SYCE3: variants seen among roughly 807,000 people sequenced by gnomAD.
SYCE3 encodes the protein testis highly expressed gene 2 protein.
SYCE3 carries 3 observed loss-of-function variants against 8.1 expected under a neutral mutation model. The observed-to-expected ratio is 0.37, with a 90% CI of 0.17 to 0.96. The LOEUF is 0.96. SYCE3 is among the 40% of genes least tolerant of loss of function. The pLI is 0.41. For synonymous variants in SYCE3, 36 were observed against 38.7 expected (o/e 0.93, Z 0.26); for missense variants, 83 against 110.0 (o/e 0.75, Z 1.10).
intron 2 of SYCE3, among the ~76,000 whole-genome samples, chr22:50,554,714 G>T (rs2069842219): frequency 6.9e-6 from 1 of 144,550 alleles, no homozygotes; most frequent in South Asian, 2.2e-4. Context: ...AAAAAAAAAG[G>T]CCAGGCGCGG....
At chr22:50,558,380 G>A (rs2069881265) in intron 1 of SYCE3, among the ~76,000 whole-genome samples, 1 of 151,896 alleles carries the variant, frequency 6.6e-6, no homozygotes, top group Non-Finnish European at 1.5e-5. Context: ...GCAGTGAGCC[G>A]AGATTGTGCC....
intron 2 of SYCE3, among the ~76,000 whole-genome samples, chr22:50,553,446 T>C (rs1217740580): frequency 3.9e-5 from 6 of 152,208 alleles, no homozygotes; most frequent in African/African-American, 1.4e-4. Flanking sequence ...CTCATTTTGC[T>C]TCCAAGGAAA....
At chr22:50,557,743 G>A (rs2069874996) in intron 1 of SYCE3, among the ~76,000 whole-genome samples, 1 of 142,170 alleles carries the variant, frequency 7.0e-6, no homozygotes, top group Non-Finnish European at 1.6e-5. Context: ...AATAATGTAA[G>A]AGCTGCCAGG....
chr22:50,554,529 A>G (rs56755969), intron 2 of SYCE3, among the ~76,000 whole-genome samples: 12,694 of 151,746 alleles, frequency 0.084, 1,182 homozygotes, highest in African/African-American at 0.23. Flanking sequence ...CTTCGTCTCT[A>G]CTAAAAATAC....
chr22:50,555,537 C>T (rs1268177437), intron 2 of SYCE3, among the ~76,000 whole-genome samples: 4 of 152,126 alleles, frequency 2.6e-5, no homozygotes, highest in Non-Finnish European at 4.4e-5. Context: ...GAACACAGAC[C>T]TTAAGTTTGA....
At chr22:50,559,301 A>ATT (rs2069891448) in intron 1 of SYCE3, among the ~76,000 whole-genome samples, 1 of 151,874 alleles carries the variant, frequency 6.6e-6, no homozygotes, top group Middle Eastern at 3.2e-3. Flanking sequence ...TAATTTTTGT[A>ATT]TTTTTAGTAG....
intron 2 of SYCE3, among the ~76,000 whole-genome samples, chr22:50,554,099 G>C (rs1051851345): frequency 6.6e-6 from 1 of 151,756 alleles, no homozygotes; most frequent in African/African-American, 2.4e-5. Context: ...GGAGGCTGAG[G>C]CAGGAGAATG....
intron 2 of SYCE3, among the ~76,000 whole-genome samples, chr22:50,552,421 G>C (rs982726909): frequency 1.3e-5 from 2 of 152,152 alleles, no homozygotes; most frequent in South Asian, 2.1e-4. Flanking sequence ...GGGAGGCCAA[G>C]GGGGGTAGAT....
At chr22:50,553,850 G>C (rs2069833357) in intron 2 of SYCE3, among the ~76,000 whole-genome samples, 1 of 152,032 alleles carries the variant, frequency 6.6e-6, no homozygotes, top group Admixed American at 6.6e-5. Flanking sequence ...CAAAGTGCTG[G>C]GTTTACAGGT....
At chr22:50,557,573 T>C (rs1319947407) in intron 1 of SYCE3, among the ~76,000 whole-genome samples, 1 of 152,242 alleles carries the variant, frequency 6.6e-6, no homozygotes, top group Non-Finnish European at 1.5e-5. Flanking sequence ...TAATGAGCAC[T>C]TAATAAATCA....
intron 1 of SYCE3, 44 bp from the exon 2 acceptor site, chr22:50,556,449 T>C: frequency 7.3e-7 from 1 of 1,367,696 alleles, no homozygotes; most frequent in Non-Finnish European, 1.0e-6. Context: ...CAGACCTACA[T>C]TTCAAATCCA....
chr22:50,552,786 G>A (rs2069823453), intron 2 of SYCE3, among the ~76,000 whole-genome samples: 1 of 152,130 alleles, frequency 6.6e-6, no homozygotes, highest in Non-Finnish European at 1.5e-5. Flanking sequence ...GGGTCTTTTG[G>A]AGATGATTAG....
intron 1 of SYCE3, among the ~76,000 whole-genome samples, chr22:50,561,061 G>A (rs9628177): frequency 0.11 from 16,013 of 152,160 alleles, 1,128 homozygotes; most frequent in African/African-American, 0.2. Context: ...ACCCTAAGAC[G>A]GCACAGAGAC....
intron 1 of SYCE3, among the ~76,000 whole-genome samples, chr22:50,560,044 C>A (rs552610532): frequency 2.6e-5 from 4 of 152,066 alleles, no homozygotes; most frequent in African/African-American, 9.7e-5. Flanking sequence ...AGAGCCCAAT[C>A]GAAATGTTTC....
At chr22:50,553,995 C>T (rs1178538402) in intron 2 of SYCE3, among the ~76,000 whole-genome samples, 2 of 151,560 alleles carry the variant, frequency 1.3e-5, no homozygotes, top group African/African-American at 2.4e-5. Context: ...AGATTGAGAC[C>T]ATCCTGGCTA....
intron 1 of SYCE3, among the ~76,000 whole-genome samples, chr22:50,559,544 T>A (rs2069894032): frequency 6.6e-6 from 1 of 152,080 alleles, no homozygotes; most frequent in Non-Finnish European, 1.5e-5. Context: ...GAGAATAGAC[T>A]AAGGGGTGGA....
intron 1 of SYCE3, among the ~76,000 whole-genome samples, 183 bp from the exon 2 acceptor site, chr22:50,556,588 T>C (rs1476681338): frequency 1.3e-5 from 2 of 152,242 alleles, no homozygotes; most frequent in Non-Finnish European, 2.9e-5. Flanking sequence ...GGCCCCAGCA[T>C]AGCATTCGGC....
chr22:50,559,936 A>T (rs2069898123), intron 1 of SYCE3, among the ~76,000 whole-genome samples: 1 of 152,170 alleles, frequency 6.6e-6, no homozygotes, highest in Non-Finnish European at 1.5e-5. Flanking sequence ...CCAAAAAAAC[A>T]AAAACAAAAA....
At chr22:50,560,481 A>C (rs530729079) in intron 1 of SYCE3, among the ~76,000 whole-genome samples, 1 of 152,326 alleles carries the variant, frequency 6.6e-6, no homozygotes, top group African/African-American at 2.4e-5. Flanking sequence ...GGCTCAGTAA[A>C]TTCAAGATAT....
Sources: allele counts gnomAD v4.1 joint callset (sites outside exome capture counted in the v4.1 genomes callset), GRCh38; gene constraint gnomAD v4.1.1; transcripts MANE v1.5; gene names NCBI Gene and HGNC (gene_info 2026-07-23, HGNC 2026-07-21).